ANKRD30B: variants seen among roughly 807,000 people sequenced by gnomAD.
The protein encoded by ANKRD30B is ankyrin repeat domain-containing protein 30B.
In ANKRD30B, 144 loss-of-function variants were observed where a neutral mutation model predicts 202.2. That is an observed-to-expected ratio of 0.71 (90% CI 0.62 to 0.82). ANKRD30B has a LOEUF of 0.82. Ranked by LOEUF, ANKRD30B falls within the 40% of genes least tolerant of loss-of-function variation. The pLI, the probability that ANKRD30B is intolerant of heterozygous loss-of-function variation, is 0.00. For synonymous variants in ANKRD30B, 508 were observed against 561.3 expected, an observed-to-expected ratio of 0.91 and a Z score of 1.34; for missense variants, 1,487 against 1,669.1, an observed-to-expected ratio of 0.89 and a Z score of 1.90.
chr18:14,926,947 GTA>G, the ANKRD30B span, among the ~76,000 whole-genome samples: 7 of 151,434 alleles, frequency 4.6e-5, no homozygotes, highest in African/African-American at 1.7e-4. Context: ...GTGTGTGTGT[GTA>G]TGTGTGTGTA....
downstream of ANKRD30B, among the ~76,000 whole-genome samples, chr18:14,856,461 G>A (rs1158577671): frequency 8.2e-5 from 12 of 146,176 alleles, no homozygotes; most frequent in East Asian, 2.0e-4. Context: ...CAGACCGGGC[G>A]GCCGGCCAGA....
the ANKRD30B span, among the ~76,000 whole-genome samples, chr18:14,863,695 G>A: frequency 6.6e-6 from 1 of 150,510 alleles, no homozygotes; most frequent in Non-Finnish European, 1.5e-5. Flanking sequence ...AAAAATAGAT[G>A]GTATCAATCT....
chr18:14,922,373 C>T, the ANKRD30B span, among the ~76,000 whole-genome samples: 1 of 152,094 alleles, frequency 6.6e-6, no homozygotes, highest in Non-Finnish European at 1.5e-5. Context: ...GTCTAGGTCA[C>T]GGCTGGGCGT....
At position 14,797,739 on chromosome 18, in the gene ANKRD30B, G is replaced by A. The variant is rs542288691; in HGVS notation, c.1957-43G>A. 242 of 1,603,528 alleles carry A rather than the reference G, an allele frequency of 1.5e-4. No homozygotes were observed. In the African/African-American group the frequency reaches 3.0e-3, roughly 20 times the overall value. On this transcript the variant is annotated intron_variant, in intron 19 of 43. Transcript: ENST00000690538. The stretch of plus-strand genomic sequence containing the variant: ...TGAATATTAACTACATATTTTTGAA[G>A]TGTACATTATATATTAATTTTTGTG...
intron 24 of ANKRD30B, among the ~76,000 whole-genome samples, chr18:14,805,633 CA>C (rs1568030873): frequency 6.6e-6 from 1 of 150,712 alleles, no homozygotes; most frequent in African/African-American, 2.5e-5. Flanking sequence ...TGTACTTTCT[CA>C]ATGACAGGAC....
At chr18:14,754,877 A>G in intron 3 of ANKRD30B, 22 bp from the exon 4 acceptor site, 3 of 1,459,784 alleles carry the variant, frequency 2.1e-6, no homozygotes, top group South Asian at 1.4e-5. Flanking sequence ...CATGAATTAT[A>G]TATTGTTCTG....
the ANKRD30B span, among the ~76,000 whole-genome samples, chr18:14,860,973 TTAC>T: frequency 6.6e-6 from 1 of 152,126 alleles, no homozygotes; most frequent in Non-Finnish European, 1.5e-5. Context: ...AGTGCTAGGA[TTAC>T]AGGTGCGAGC....
intron 22 of ANKRD30B, among the ~76,000 whole-genome samples, chr18:14,799,656 G>C (rs1234462093): frequency 6.6e-6 from 1 of 152,114 alleles, no homozygotes; most frequent in Non-Finnish European, 1.5e-5. Flanking sequence ...TTTGAGGAAA[G>C]TTTCACTTGC....
the ANKRD30B span, among the ~76,000 whole-genome samples, chr18:14,892,928 A>C: frequency 6.6e-6 from 1 of 151,896 alleles, no homozygotes. Flanking sequence ...ATAATAGATA[A>C]ATAAATAAAT....
intron 13 of ANKRD30B, 43 bp downstream of exon 13, chr18:14,784,407 T>C (rs750844244): frequency 4.3e-6 from 7 of 1,612,416 alleles, no homozygotes; most frequent in Non-Finnish European, 5.9e-6. Context: ...TTATTAACTA[T>C]GTACTTTGTG....
At chr18:14,782,928 T>C (rs140438393) in intron 12 of ANKRD30B, among the ~76,000 whole-genome samples, 2,191 of 146,636 alleles carry the variant, frequency 0.015, 36 homozygotes, top group African/African-American at 0.052. Context: ...AGGGAGTTCA[T>C]GAAGGAACAA....
At chr18:14,863,578 A>G in the ANKRD30B span, among the ~76,000 whole-genome samples, 1 of 152,216 alleles carries the variant, frequency 6.6e-6, no homozygotes, top group African/African-American at 2.4e-5. Flanking sequence ...AAAAATCTGA[A>G]TAAACCAGTA....
chr18:14,820,347 C>G (rs1400532757), intron 30 of ANKRD30B, among the ~76,000 whole-genome samples: 2 of 152,090 alleles, frequency 1.3e-5, no homozygotes, highest in Non-Finnish European at 2.9e-5. Context: ...AATTAAATAC[C>G]CTTTATTTCC....
In ANKRD30B at chr18:14,850,290, C is replaced by G. The variant is rs1382523998; in HGVS notation, c.3472C>G (p.Leu1158Val). Residue 1158 changes from leucine to valine, a missense_variant, in exon 41 of 44, where the codon CTT (leucine) becomes GTT (valine). Coordinates refer to ENST00000690538, the MANE Select transcript of ANKRD30B (RefSeq NM_001367607.2). ...AGAAAAAATTAGACCCGAAGAGCAA[C>G]TTAGGAAAAAGTTAGAAGTGAAACA... ...LKEKIRPEEQLRKKLEVKQQL... is the reference protein window; with the variant it reads ...LKEKIRPEEQVRKKLEVKQQL... 1 of 1,590,526 alleles carries G rather than the reference C, an allele frequency of 6.3e-7. No homozygotes were observed. The highest frequency in any genetic ancestry group is 1.4e-5 in the African/African-American group (1 of 73,484).
At chr18:14,903,253 G>A in the ANKRD30B span, among the ~76,000 whole-genome samples, 1 of 152,302 alleles carries the variant, frequency 6.6e-6, no homozygotes, top group Admixed American at 6.5e-5. Context: ...AGATTAATTG[G>A]AGGAAAGGCG....
intron 33 of ANKRD30B, among the ~76,000 whole-genome samples, chr18:14,828,595 A>G (rs2143058361): frequency 6.6e-6 from 1 of 152,176 alleles, no homozygotes. Flanking sequence ...TTGCTCCCTA[A>G]TCCCTTCCCT....
At chr18:14,938,372 C>T in the ANKRD30B span, among the ~76,000 whole-genome samples, 10 of 152,224 alleles carry the variant, frequency 6.6e-5, no homozygotes, top group Non-Finnish European at 1.5e-4. Flanking sequence ...GAAATGCTCC[C>T]ACGCTTGCCG....
the ANKRD30B span, chr18:14,915,731 A>G: frequency 6.6e-6 from 1 of 152,198 alleles, no homozygotes; most frequent in African/African-American, 2.4e-5. Context: ...GCTGTTTTTT[A>G]TCTTAATACT....
chr18:14,935,516 A>T, the ANKRD30B span, among the ~76,000 whole-genome samples: 1 of 152,326 alleles, frequency 6.6e-6, no homozygotes, highest in Non-Finnish European at 1.5e-5. Flanking sequence ...CCTGCAGGCC[A>T]CCACTGACAG....
Sources: allele counts gnomAD v4.1 joint callset (sites outside exome capture counted in the v4.1 genomes callset), GRCh38; gene constraint gnomAD v4.1.1; transcripts MANE v1.5; gene names NCBI Gene and HGNC (gene_info 2026-07-23, HGNC 2026-07-21).